Variants in KDR observed in about 807,000 individuals in gnomAD.
KDR encodes the protein vascular endothelial growth factor receptor 2.
Under a neutral mutation model 160.9 loss-of-function variants are expected in KDR, and 43 were observed. That is an observed-to-expected ratio of 0.27 (90% CI 0.21 to 0.34). KDR has a LOEUF of 0.34. KDR is among the 10% of genes least tolerant of loss of function. The probability of loss-of-function intolerance (pLI) is 1.00; values close to 1 mark genes in which losing one functional copy is unlikely to be tolerated. For missense variants in KDR, 1,469 were observed against 1,666.4 expected, an observed-to-expected ratio of 0.88 and a Z score of 2.06; for synonymous variants, 617 against 600.1, an observed-to-expected ratio of 1.03 and a Z score of -0.41.
intron 22 of KDR, among the ~76,000 whole-genome samples, chr4:55,091,982 G>A (rs759311638): frequency 4.6e-5 from 7 of 152,022 alleles, no homozygotes; most frequent in South Asian, 2.1e-4. Context: ...GTCCTTCCTC[G>A]TTTCTAATTA....
intron 3 of KDR, among the ~76,000 whole-genome samples, chr4:55,116,232 C>T (rs570391673): frequency 9.2e-5 from 14 of 152,068 alleles, no homozygotes; most frequent in African/African-American, 3.1e-4. Flanking sequence ...GCCTGACCAA[C>T]GTGGCAAAAC....
At chr4:55,088,796 A>T in intron 26 of KDR, 72 bp downstream of exon 26, 1 of 960,302 alleles carries the variant, frequency 1.0e-6, no homozygotes, top group Middle Eastern at 2.1e-4. Flanking sequence ...GCCATGAGAC[A>T]GTTCAGGCAG....
chr4:55,097,818 C>T (rs1167678830), intron 17 of KDR, 52 bp from the exon 18 acceptor site: 2 of 1,274,734 alleles, frequency 1.6e-6, no homozygotes, highest in South Asian at 2.4e-5. Context: ...TACTATACAA[C>T]CAAAGTGATA....
intron 15 of KDR, among the ~76,000 whole-genome samples, chr4:55,100,937 T>C (rs1720295186): frequency 6.6e-6 from 1 of 152,076 alleles, no homozygotes; most frequent in African/African-American, 2.4e-5. Context: ...CTTCTTAAGA[T>C]AAAATATTCT....
Position 55,118,697 on chromosome 4 carries a change from T to C in KDR, c.265A>G (p.Thr89Ala). ...TCATTTCCGATCACTTTTGGAATTG[T>C]GAGTGTCTTACAGAAGAGGCCATCG... ...CSDGLFCKTL[T>A]IPKVIGNDTG... Residue 89 changes from threonine to alanine, a missense_variant, in exon 3 of 30, where the codon ACA (threonine) becomes GCA (alanine). Around this residue, in one of 7 missense-constraint regions of KDR, gnomAD observed 792 missense variants for 840.9 expected, o/e 0.94. Transcript: ENST00000263923. 10 of 1,614,064 alleles carry C rather than the reference T, an allele frequency of 6.2e-6. No homozygotes were observed. Among genetic ancestry groups the C allele is most frequent in the Non-Finnish European group, 8.5e-6 (10 of 1,179,954 alleles).
Position 55,087,644 on chromosome 4 carries a change from C to T in KDR, c.3625G>A (p.Asp1209Asn). ...GTGTTGTCATAATGGAATTTGGGGT[C>T]ACATACTTCCTCCTCCTCCATACAG... Reference protein sequence around the residue: ...VSCMEEEEVCDPKFHYDNTAG... With the variant: ...VSCMEEEEVCNPKFHYDNTAG... The change falls in exon 27 of 30, where the codon GAC becomes AAC. Residue 1209 changes from aspartate (D) to asparagine (N), a missense_variant. Asp to Asn is a conservative substitution (Grantham distance 23). This residue lies in a region of KDR where 229 missense variants were observed against 197.8 expected (regional missense o/e 1.16). Coordinates refer to ENST00000263923, the MANE Select transcript of KDR (RefSeq NM_002253.4). The T allele has an allele frequency of 6.2e-7, 1 of 1,614,144 alleles. No individual in the cohort carries two copies. Among genetic ancestry groups the T allele is most frequent in the Non-Finnish European group, 8.5e-7 (1 of 1,180,000 alleles).
intron 18 of KDR, among the ~76,000 whole-genome samples, chr4:55,097,003 C>A (rs968278195): frequency 6.6e-6 from 1 of 152,144 alleles, no homozygotes; most frequent in South Asian, 2.1e-4. Context: ...TTGAAATGCA[C>A]AAAACCTATT....
At chr4:55,105,532 A>G (rs1208648023) in intron 12 of KDR, among the ~76,000 whole-genome samples, 1 of 152,194 alleles carries the variant, frequency 6.6e-6, no homozygotes, top group Non-Finnish European at 1.5e-5. Flanking sequence ...ACTGAAGCTC[A>G]ATAAGCCAGG....
chr4:55,113,870 G>C (rs185617464), intron 6 of KDR, among the ~76,000 whole-genome samples: 1 of 152,296 alleles, frequency 6.6e-6, no homozygotes, highest in Admixed American at 6.5e-5. Flanking sequence ...ATCACCTAGA[G>C]AAAACTAATA....
chr4:55,085,540 G>A (rs1719841740), intron 27 of KDR, among the ~76,000 whole-genome samples: 1 of 152,164 alleles, frequency 6.6e-6, no homozygotes, highest in Non-Finnish European at 1.5e-5. Flanking sequence ...AGAACCCCAG[G>A]AGAGCAACAG....
intron 15 of KDR, among the ~76,000 whole-genome samples, chr4:55,100,319 A>T (rs1720276307): frequency 6.6e-6 from 1 of 152,208 alleles, no homozygotes; most frequent in Non-Finnish European, 1.5e-5. Context: ...TTCTCTATTT[A>T]TACACACAGA....
chr4:55,114,096 G>A, intron 6 of KDR, 30 bp downstream of exon 6: 1 of 1,612,792 alleles, frequency 6.2e-7, no homozygotes, highest in Non-Finnish European at 8.5e-7. Context: ...CTAAGTATTT[G>A]GAGGTCTGGC....
At position 55,101,913 on chromosome 4, in the gene KDR, T is replaced by C. The variant is rs767203528; in HGVS notation, c.2250A>G (p.Ala750=). 1 of 1,613,426 alleles carries C rather than the reference T, an allele frequency of 6.2e-7. No homozygotes were observed. The change falls in exon 15 of 30, where the codon GCA becomes GCG. Residue 750 remains alanine (A), a synonymous_variant. Coordinates refer to ENST00000263923, the MANE Select transcript of KDR (RefSeq NM_002253.4). The part of the protein sequence containing the change: ...CSVLGCAKVE[A]FFIIEGAQEK... Reference sequence around the variant, plus strand: ...CCCACTGACCTTCTATTATGAAAAATGCCTCCACTTTTGCACAGCCAAGAA... The same window carrying C: ...CCCACTGACCTTCTATTATGAAAAACGCCTCCACTTTTGCACAGCCAAGAA...
At chr4:55,124,430 G>A (rs1720977251) in intron 1 of KDR, among the ~76,000 whole-genome samples, 1 of 152,132 alleles carries the variant, frequency 6.6e-6, no homozygotes, top group South Asian at 2.1e-4. Context: ...GGGAGAGGAA[G>A]GAATGGCACT....
Position 55,104,834 on chromosome 4 carries a change from G to A in KDR, c.1796C>T (p.Pro599Leu). The stretch of plus-strand genomic sequence containing the variant: ...ATCCAAGTTCTTGCAAACAGGTGTG[G>A]GCAACTCTCCCACATGGATTGGCAG... ...QPLPIHVGEL[P>L]TPVCKNLDTL... The change falls in exon 13 of 30, where the codon CCC becomes CTC. Residue 599 changes from proline (P) to leucine (L), a missense_variant. Physicochemically the swap from Pro to Leu is moderately conservative, Grantham distance 98. Around this residue, in one of 7 missense-constraint regions of KDR, gnomAD observed 792 missense variants for 840.9 expected, o/e 0.94. Coordinates refer to ENST00000263923, the MANE Select transcript of KDR (RefSeq NM_002253.4). 1.2e-6 allele frequency: 2 copies of A among 1,613,926 alleles called. No individual in the cohort carries two copies. The highest frequency in any genetic ancestry group is 1.7e-6 in the Non-Finnish European group (2 of 1,179,896).
chr4:55,112,744 G>T (rs1334742923), intron 7 of KDR, among the ~76,000 whole-genome samples: 1 of 151,972 alleles, frequency 6.6e-6, no homozygotes, highest in Non-Finnish European at 1.5e-5. Flanking sequence ...TGACCAGGCT[G>T]GTTTCGAACT....
intron 22 of KDR, 58 bp from the exon 23 acceptor site, chr4:55,090,136 G>C (rs2110011987): frequency 8.7e-6 from 14 of 1,603,672 alleles, no homozygotes; most frequent in Non-Finnish European, 1.2e-5. Context: ...TTTCACATCT[G>C]TTGTGACCTC....
chr4:55,114,967 T>A lies in KDR; in HGVS notation c.565A>T (p.Ser189Cys). The change falls in exon 5 of 30, where the codon AGC becomes TGC. Residue 189 changes from serine (S) to cysteine (C), a missense_variant. Ser to Cys is a moderately radical substitution (Grantham distance 112). This residue lies in a region of KDR where 792 missense variants were observed against 840.9 expected (regional missense o/e 0.94). Coordinates refer to ENST00000263923, the MANE Select transcript of KDR (RefSeq NM_002253.4). ...WDSKKGFTIPSYMISYAGMVF... is the reference protein window; with the variant it reads ...WDSKKGFTIPCYMISYAGMVF... Reference sequence around the variant, plus strand: ...ATGCCAGCATAGCTGATCATGTAGCTGGGAATAGTAAAGCCCTTCTTGCTG... The same window carrying A: ...ATGCCAGCATAGCTGATCATGTAGCAGGGAATAGTAAAGCCCTTCTTGCTG... The A allele has an allele frequency of 6.2e-7, 1 of 1,613,866 alleles. No individual in the cohort carries two copies. Among genetic ancestry groups the A allele is most frequent in the Non-Finnish European group, 8.5e-7 (1 of 1,179,790 alleles).
At chr4:55,082,972 C>T (rs186114069) in intron 27 of KDR, among the ~76,000 whole-genome samples, 2 of 152,280 alleles carry the variant, frequency 1.3e-5, no homozygotes, top group Admixed American at 6.5e-5. Flanking sequence ...ATTCCTCCAT[C>T]GAGCTCTGGA....
Sources: gnomAD v4.1 joint callset for allele counts (sites outside exome capture counted in the v4.1 genomes callset) on GRCh38, gnomAD v4.1.1 for gene constraint, gnomAD v4.1.1 regional missense constraint, MANE v1.5 for transcripts, NCBI Gene and HGNC (gene_info 2026-07-23, HGNC 2026-07-21) for gene names.